Variants in SLC4A10 observed in about 807,000 individuals in gnomAD.
SLC4A10 encodes the protein solute carrier family 4 member 10.
In SLC4A10, 42 loss-of-function variants were observed where a neutral mutation model predicts 137.7. The ratio of observed to expected loss-of-function variants is 0.30; its 90% CI spans 0.24 to 0.39. The LOEUF (loss-of-function observed/expected upper bound fraction) is 0.39, where lower values mean the gene tolerates loss of function less well. Ranked by LOEUF, SLC4A10 falls within the 10% of genes least tolerant of loss-of-function variation. The pLI is 1.00. For missense variants in SLC4A10, 925 were observed against 1,355.0 expected, an observed-to-expected ratio of 0.68 and a Z score of 4.98; for synonymous variants, 474 against 464.1, an observed-to-expected ratio of 1.02 and a Z score of -0.27.
intron 6 of SLC4A10, among the ~76,000 whole-genome samples, chr2:161,867,836 T>A (rs1247360934): frequency 6.6e-6 from 1 of 151,954 alleles, no homozygotes; most frequent in Non-Finnish European, 1.5e-5. Flanking sequence ...CATCTTTATA[T>A]TTCTTTATTT....
chr2:161,663,280 A>C (rs1262157924), intron 1 of SLC4A10, among the ~76,000 whole-genome samples: 1 of 152,204 alleles, frequency 6.6e-6, no homozygotes, highest in Admixed American at 6.5e-5. Context: ...AACACACAAA[A>C]AACAAATTTA....
chr2:161,699,167 C>T (rs999888972), intron 1 of SLC4A10, among the ~76,000 whole-genome samples: 1 of 152,016 alleles, frequency 6.6e-6, no homozygotes, highest in Non-Finnish European at 1.5e-5. Context: ...CTACAGGTGC[C>T]GCCACCATGC....
rs548243691 is a variant in SLC4A10, at chr2:161,891,800, A to G, written c.1195-2879A>G. 9.2e-5 allele frequency among the ~76,000 whole-genome samples: 14 copies of G among 152,100 alleles called. No individual in the cohort carries two copies. The South Asian group carries it at 2.5e-3, about 27-fold the overall frequency. ...CACCTTCTGAAGCCTACTTCTGTCA[A>G]TTCGTCAAACTCATTCTCCATCCAG... On this transcript the variant is annotated intron_variant, in intron 10 of 26. Transcript: ENST00000446997.
intron 1 of SLC4A10, among the ~76,000 whole-genome samples, chr2:161,667,889 CAG>C (rs2039256310): frequency 6.6e-6 from 1 of 151,604 alleles, no homozygotes; most frequent in Non-Finnish European, 1.5e-5. Context: ...GGTAGCTAAA[CAG>C]AGTAAATTAA....
At chr2:161,952,162 A>G (rs1445610435) in intron 19 of SLC4A10, among the ~76,000 whole-genome samples, 3 of 152,180 alleles carry the variant, frequency 2.0e-5, no homozygotes, top group Non-Finnish European at 2.9e-5. Flanking sequence ...GGATTCAGGC[A>G]GCATTTTTTT....
chr2:161,759,363 A>C lies in SLC4A10; in HGVS notation c.49-11610A>C, dbSNP rs142219871. On this transcript the variant is annotated intron_variant, in intron 1 of 26. Coordinates refer to ENST00000446997, the MANE Select transcript of SLC4A10 (RefSeq NM_001178015.2). ...AACACTTAAGACCTACTGTCTTAAC[A>C]AATTTCAAGTAAACAATACAATATT... is the stretch of plus-strand genomic sequence containing the variant. 6.0e-3 allele frequency among the ~76,000 whole-genome samples: 915 copies of C among 152,080 alleles called. 10 individuals are homozygous for C. The highest frequency in any genetic ancestry group is 0.021 in the African/African-American group (882 of 41,542).
Position 161,950,718 on chromosome 2 carries a change from C to A in SLC4A10, c.2411C>A (p.Thr804Lys), listed in dbSNP as rs1038017615. The part of the protein sequence containing the change: ...PTRDDRGWFV[T>K]PLGPNPWWTV... ...AGAGATGATCGTGGCTGGTTTGTTA[C>A]GCCTTTAGGTCCAAACCCATGGTGG... Residue 804 changes from threonine (T) to lysine (K), a missense_variant, in exon 19 of 27, where the codon ACG (threonine) becomes AAG (lysine). Thr to Lys is a moderately conservative substitution (Grantham distance 78, BLOSUM62 -1). Coordinates refer to ENST00000446997, the MANE Select transcript of SLC4A10 (RefSeq NM_001178015.2). 3.8e-6 allele frequency: 6 copies of A among 1,592,210 alleles called. No homozygotes were observed. In the Middle Eastern group the frequency reaches 5.0e-4, roughly 132 times the overall value.
intron 1 of SLC4A10, among the ~76,000 whole-genome samples, 191 bp downstream of exon 1, chr2:161,624,757 C>A (rs528343172): frequency 7.9e-5 from 12 of 151,960 alleles, no homozygotes; most frequent in South Asian, 2.1e-4. Flanking sequence ...TCTCCTCCCC[C>A]CCCCTTCTCA....
At chr2:161,767,235 C>CATAT (rs72106317) in intron 1 of SLC4A10, among the ~76,000 whole-genome samples, 121 of 114,818 alleles carry the variant, frequency 1.1e-3, no homozygotes, top group Non-Finnish European at 1.5e-3. Flanking sequence ...TATATATACA[C>CATAT]ATATATATAT....
At chr2:161,661,305 T>A (rs2038360342) in intron 1 of SLC4A10, among the ~76,000 whole-genome samples, 1 of 152,020 alleles carries the variant, frequency 6.6e-6, no homozygotes, top group Admixed American at 6.5e-5. Context: ...TGAAACCCCG[T>A]CTCTACTAAA....
chr2:161,682,824 C>A (rs1244242076), intron 1 of SLC4A10, among the ~76,000 whole-genome samples: 1 of 152,044 alleles, frequency 6.6e-6, no homozygotes, highest in Non-Finnish European at 1.5e-5. Flanking sequence ...GTGGACAGAT[C>A]TTTTACATGG....
At chr2:161,978,854 C>T (rs1022777321) in intron 26 of SLC4A10, among the ~76,000 whole-genome samples, 1 of 152,130 alleles carries the variant, frequency 6.6e-6, no homozygotes, top group Non-Finnish European at 1.5e-5. Context: ...TATTTCTTTG[C>T]TTGGCTCAGG....
intron 3 of SLC4A10, among the ~76,000 whole-genome samples, chr2:161,816,522 A>G (rs140655337): frequency 0.017 from 2,651 of 152,098 alleles, 81 homozygotes; most frequent in African/African-American, 0.06. Context: ...GTACATGTGG[A>G]CAACGTGCAG....
chr2:161,974,593 T>C lies in SLC4A10; in HGVS notation c.3227+277T>C, dbSNP rs548765916. Reference sequence around the variant, plus strand: ...TAATGTGTATGAAAAATCCCTTTCATATTCTCAGAAAGTAGCACCAGAAGA... The same window carrying C: ...TAATGTGTATGAAAAATCCCTTTCACATTCTCAGAAAGTAGCACCAGAAGA... On this transcript the variant is annotated intron_variant, in intron 24 of 26. Transcript: ENST00000446997. Among the ~76,000 whole-genome samples the C allele has an allele frequency of 4.6e-5, 7 of 152,270 alleles. No individual in the cohort carries two copies. The South Asian group carries it at 6.2e-4, about 14-fold the overall frequency.
rs1173111986 is a variant in SLC4A10 at position 161,625,120 on chromosome 2, C to T, written c.48+554C>T. Among the ~76,000 whole-genome samples, 2 of 149,356 alleles carry T rather than the reference C, an allele frequency of 1.3e-5. 1 individual carries two copies. Among genetic ancestry groups the T allele is most frequent in the South Asian group, 4.2e-4 (2 of 4,732 alleles). ...GTGTGTGTGTGTGTGTGTTCTGTCT[C>T]TTTCTCAAAGGCAAATGTGTCATGG... On this transcript the variant is annotated intron_variant, in intron 1 of 26. Coordinates refer to ENST00000446997, the MANE Select transcript of SLC4A10 (RefSeq NM_001178015.2).
intron 1 of SLC4A10, among the ~76,000 whole-genome samples, chr2:161,661,050 A>G (rs937641183): frequency 1.3e-5 from 2 of 152,150 alleles, no homozygotes; most frequent in Non-Finnish European, 2.9e-5. Flanking sequence ...CATATTGTCC[A>G]TTTAAAATTA....
intron 15 of SLC4A10, among the ~76,000 whole-genome samples, chr2:161,909,953 A>T (rs1183197450): frequency 1.3e-5 from 2 of 152,206 alleles, no homozygotes; most frequent in Non-Finnish European, 2.9e-5. Flanking sequence ...TTTCTACTTT[A>T]GATGTTGCTG....
chr2:161,678,604 C>A (rs568506001), intron 1 of SLC4A10, among the ~76,000 whole-genome samples: 1 of 152,218 alleles, frequency 6.6e-6, no homozygotes, highest in East Asian at 1.9e-4. Flanking sequence ...AGAGAAGACT[C>A]CTCCATGCTT....
At chr2:161,907,751 C>T (rs936458706) in intron 15 of SLC4A10, among the ~76,000 whole-genome samples, 2 of 152,144 alleles carry the variant, frequency 1.3e-5, no homozygotes, top group African/African-American at 4.8e-5. Flanking sequence ...GGACTAGATG[C>T]AAGAGATGCA....
Sources: allele counts gnomAD v4.1 joint callset (sites outside exome capture counted in the v4.1 genomes callset), GRCh38; gene constraint gnomAD v4.1.1; transcripts MANE v1.5; gene names NCBI Gene and HGNC (gene_info 2026-07-23, HGNC 2026-07-21).